RBFOX3: variants seen among roughly 807,000 people sequenced by gnomAD.
RBFOX3 encodes RNA binding protein fox-1 homolog 3.
RBFOX3 carries 17 observed loss-of-function variants against 48.7 expected under a neutral mutation model. The ratio of observed to expected loss-of-function variants is 0.35; its 90% CI spans 0.24 to 0.52. The LOEUF (loss-of-function observed/expected upper bound fraction) is 0.52. Among genes scored for constraint, RBFOX3 ranks in the 20% least tolerant of loss-of-function variants. The pLI is 0.94. For synonymous variants in RBFOX3, 212 were observed against 209.5 expected (o/e 1.01, Z -0.10); for missense variants, 382 against 497.5 (o/e 0.77, Z 2.21).
the RBFOX3 span, among the ~76,000 whole-genome samples, chr17:79,659,148 C>G: frequency 6.6e-6 from 1 of 152,076 alleles, no homozygotes; most frequent in East Asian, 1.9e-4. Context: ...CGCGGGGGCC[C>G]GTGACAACAT....
At chr17:79,096,895 C>G in intron 11 of RBFOX3, 62 bp from the exon 12 acceptor site, 1 of 622,796 alleles carries the variant, frequency 1.6e-6, no homozygotes, top group Admixed American at 2.8e-5. Context: ...CCACAAACCC[C>G]GGGGCCCATA....
chr17:79,627,965 A>T, the RBFOX3 span, among the ~76,000 whole-genome samples: 1 of 130,360 alleles, frequency 7.7e-6, no homozygotes, highest in Non-Finnish European at 1.6e-5. Flanking sequence ...AGCCCCCATC[A>T]CTCCCCTGGG....
chr17:79,239,567 T>C (rs1390727457), intron 3 of RBFOX3, among the ~76,000 whole-genome samples: 1 of 152,214 alleles, frequency 6.6e-6, no homozygotes, highest in Non-Finnish European at 1.5e-5. Flanking sequence ...CACTGCCCAC[T>C]GCCCCCAGGA....
intron 1 of RBFOX3, among the ~76,000 whole-genome samples, chr17:79,577,483 A>G (rs1019695376): frequency 7.6e-4 from 115 of 152,220 alleles, no homozygotes; most frequent in Non-Finnish European, 1.4e-3. Context: ...GATTGTTTAA[A>G]CACTTATCAT....
intron 1 of RBFOX3, among the ~76,000 whole-genome samples, chr17:79,573,645 C>T (rs2092759414): frequency 6.6e-6 from 1 of 152,180 alleles, no homozygotes; most frequent in South Asian, 2.1e-4. Context: ...CTGCTGAGAA[C>T]CTCATCTGGG....
At position 79,443,231 on chromosome 17, in the gene RBFOX3, C is replaced by A. The variant is rs1315022538; in HGVS notation, c.-175+39223G>T. ...CCAATCCTGGGTGCTGCCAAGTCCC[C>A]TCTGCCCCAACAAGCTGCTAGGTGT... is the stretch of plus-strand genomic sequence containing the variant. On this transcript the variant is annotated intron_variant, in intron 2 of 14. Transcript: ENST00000693108. This position sits in a 1 kb window ranked among gnomAD's most constrained non-coding sequence, Gnocchi z 4.4. Among the ~76,000 whole-genome samples, 1 of 152,242 alleles carries A rather than the reference C, an allele frequency of 6.6e-6. No homozygotes were observed. Among genetic ancestry groups the A allele is most frequent in the Non-Finnish European group, 1.5e-5 (1 of 68,038 alleles).
chr17:79,507,469 T>G (rs1598982150), intron 1 of RBFOX3, among the ~76,000 whole-genome samples: 1 of 152,124 alleles, frequency 6.6e-6, no homozygotes, highest in African/African-American at 2.4e-5. Context: ...GCCCGCGGGA[T>G]GCTGGGTGGG....
Position 79,205,130 on chromosome 17 carries a change from A to G in RBFOX3, c.-34+30636T>C, listed in dbSNP as rs1014103656. 2.0e-5 allele frequency among the ~76,000 whole-genome samples: 3 copies of G among 152,176 alleles called. No individual in the cohort carries two copies. The highest frequency in any genetic ancestry group is 7.2e-5 in the African/African-American group (3 of 41,442). ...GGCTTAGGAATGCACTGCAATATTT[A>G]TAATGATAGCATCCCCATCCTTCCC... On this transcript the variant is annotated intron_variant, in intron 4 of 14. Transcript: ENST00000693108. The surrounding 1 kb of genome is among the most constrained non-coding windows in gnomAD (Gnocchi z 4.5).
chr17:79,320,268 C>T (rs1009804639), intron 2 of RBFOX3, among the ~76,000 whole-genome samples: 26 of 152,142 alleles, frequency 1.7e-4, no homozygotes, highest in African/African-American at 6.3e-4. Context: ...TGGTGCTGAC[C>T]CTGATCCCAA....
At chr17:79,154,918 GC>G (rs1487538989) in intron 4 of RBFOX3, among the ~76,000 whole-genome samples, 1 of 152,064 alleles carries the variant, frequency 6.6e-6, no homozygotes, top group Admixed American at 6.5e-5. Flanking sequence ...TCTTCCACAG[GC>G]CCCGGGGTCC....
At chr17:79,555,637 T>G (rs2091658996) in intron 1 of RBFOX3, among the ~76,000 whole-genome samples, 2 of 150,722 alleles carry the variant, frequency 1.3e-5, no homozygotes, top group African/African-American at 2.5e-5. Flanking sequence ...GGTGATTATG[T>G]CAGTGATGGT....
At chr17:79,100,709 C>T (rs910628686) in intron 9 of RBFOX3, among the ~76,000 whole-genome samples, 3 of 152,238 alleles carry the variant, frequency 2.0e-5, no homozygotes, top group African/African-American at 4.8e-5. Flanking sequence ...AAGCTGCTCC[C>T]TGGCAGGAAT....
chr17:79,580,985 C>T (rs1012779618), intron 1 of RBFOX3, among the ~76,000 whole-genome samples: 3 of 152,194 alleles, frequency 2.0e-5, no homozygotes, highest in South Asian at 4.1e-4. Context: ...CGGTAGCTCA[C>T]GCCTGTAATC....
At chr17:79,271,491 C>T (rs1031019419) in intron 3 of RBFOX3, among the ~76,000 whole-genome samples, 1 of 152,200 alleles carries the variant, frequency 6.6e-6, no homozygotes, top group Non-Finnish European at 1.5e-5. Context: ...ATTAGCCGCT[C>T]TTTGCGCTGT....
intron 2 of RBFOX3, among the ~76,000 whole-genome samples, chr17:79,400,566 C>T (rs890931507): frequency 6.6e-6 from 1 of 152,228 alleles, no homozygotes; most frequent in Non-Finnish European, 1.5e-5. Context: ...AGACACAGTT[C>T]ACCCATAACA....
chr17:79,210,351 G>T (rs185586437), intron 4 of RBFOX3, among the ~76,000 whole-genome samples: 1 of 152,172 alleles, frequency 6.6e-6, no homozygotes, highest in Non-Finnish European at 1.5e-5. Context: ...ATCTCCATGC[G>T]GTTATAGTTT....
chr17:79,282,259 G>A (rs750965109), intron 3 of RBFOX3, among the ~76,000 whole-genome samples: 13 of 152,200 alleles, frequency 8.5e-5, no homozygotes, highest in Non-Finnish European at 1.5e-4. Context: ...ACACGGCCAC[G>A]AAAGCAGGGG....
At chr17:79,227,439 G>T (rs978224439) in intron 4 of RBFOX3, among the ~76,000 whole-genome samples, 1 of 152,202 alleles carries the variant, frequency 6.6e-6, no homozygotes, top group Admixed American at 6.5e-5. Context: ...GCATCAGCTC[G>T]TCCAGGGCAG....
At chr17:79,511,871 GCA>G (rs2149859940) in intron 1 of RBFOX3, among the ~76,000 whole-genome samples, 1 of 83,854 alleles carries the variant, frequency 1.2e-5, no homozygotes, top group East Asian at 3.9e-4. Flanking sequence ...GGACACACGT[GCA>G]GATACATATT....
Sources: allele counts gnomAD v4.1 joint callset (sites outside exome capture counted in the v4.1 genomes callset), GRCh38; gene constraint gnomAD v4.1.1; non-coding constraint Gnocchi (gnomAD v3.1); transcripts MANE v1.5; gene names NCBI Gene and HGNC (gene_info 2026-07-23, HGNC 2026-07-21).